SYT9: variants seen among roughly 807,000 people sequenced by gnomAD.
SYT9 encodes synaptotagmin-9.
A neutral mutation model predicts 48.4 loss-of-function variants in SYT9; 22 were observed. That is an observed-to-expected ratio of 0.45 (90% confidence interval 0.32 to 0.65). SYT9 has a LOEUF of 0.65. Among genes scored for constraint, SYT9 ranks in the 30% least tolerant of loss-of-function variants. The probability of loss-of-function intolerance (pLI) is 0.03; values close to 1 mark genes in which losing one functional copy is unlikely to be tolerated. For synonymous variants in SYT9, 265 were observed against 245.0 expected (o/e 1.08, Z -0.76); for missense variants, 577 against 622.0 (o/e 0.93, Z 0.77).
chr11:7,308,577 C>T (rs185735291), intron 2 of SYT9, among the ~76,000 whole-genome samples: 40 of 152,290 alleles, frequency 2.6e-4, no homozygotes, highest in South Asian at 2.5e-3. Context: ...TCCTTATTGA[C>T]GTCTACAGCA....
intron 6 of SYT9, among the ~76,000 whole-genome samples, chr11:7,455,696 C>T (rs1477871912): frequency 1.3e-5 from 2 of 152,080 alleles, no homozygotes; most frequent in Non-Finnish European, 2.9e-5. Flanking sequence ...CTGTAAATCA[C>T]CATTGGAGAA....
intron 3 of SYT9, among the ~76,000 whole-genome samples, chr11:7,373,883 A>G (rs1213781721): frequency 3.9e-5 from 6 of 152,032 alleles, no homozygotes; most frequent in South Asian, 4.2e-4. Flanking sequence ...AACATGTCCA[A>G]CATTCTTTTT....
intron 1 of SYT9, among the ~76,000 whole-genome samples, chr11:7,260,455 G>T (rs746176954): frequency 2.6e-5 from 4 of 152,194 alleles, no homozygotes; most frequent in Non-Finnish European, 4.4e-5. Context: ...AATGTTGAGA[G>T]ATGGATCTGC....
intron 3 of SYT9, among the ~76,000 whole-genome samples, chr11:7,328,065 A>G (rs1049543668): frequency 1.5e-4 from 2 of 13,094 alleles, no homozygotes; most frequent in Non-Finnish European, 7.4e-4. Context: ...TAAAACTTAA[A>G]GTATAATTAA....
intron 3 of SYT9, among the ~76,000 whole-genome samples, chr11:7,413,899 AT>A (rs1847189145): frequency 6.6e-6 from 1 of 151,978 alleles, no homozygotes; most frequent in Non-Finnish European, 1.5e-5. Flanking sequence ...CACCCAGCTA[AT>A]TTGCTATTTT....
At chr11:7,394,942 A>T (rs1295161687) in intron 3 of SYT9, among the ~76,000 whole-genome samples, 1 of 152,152 alleles carries the variant, frequency 6.6e-6, no homozygotes, top group African/African-American at 2.4e-5. Context: ...CCCAAAAGAC[A>T]TTCAGGAGCA....
At chr11:7,358,382 C>T (rs117366409) in intron 3 of SYT9, among the ~76,000 whole-genome samples, 6 of 152,242 alleles carry the variant, frequency 3.9e-5, no homozygotes, top group Admixed American at 1.3e-4. Flanking sequence ...TGCAGATTCT[C>T]ATAACGATTG....
upstream of SYT9, among the ~76,000 whole-genome samples, chr11:7,251,428 G>C (rs539348129): frequency 6.6e-6 from 1 of 152,214 alleles, no homozygotes; most frequent in Admixed American, 6.5e-5. Flanking sequence ...TGGTCGAAAA[G>C]GGCCTGTGCT....
chr11:7,412,960 C>G (rs377023237), intron 3 of SYT9, among the ~76,000 whole-genome samples: 2 of 152,198 alleles, frequency 1.3e-5, no homozygotes, highest in Non-Finnish European at 2.9e-5. Context: ...ATGGCATGCT[C>G]AAGTACTGAG....
chr11:7,257,602 G>A lies in SYT9; in HGVS notation c.145+5271G>A, dbSNP rs149680538. ...CCTTGATTCAAATTTTTCTAAGGTAGTCAAAAGAGAATCAGTCTTGAAACA... is the reference window on the plus strand; with the variant it reads ...CCTTGATTCAAATTTTTCTAAGGTAATCAAAAGAGAATCAGTCTTGAAACA... On this transcript the variant is annotated intron_variant, in intron 1 of 6. Transcript: ENST00000318881. 2.0e-4 allele frequency among the ~76,000 whole-genome samples: 30 copies of A among 152,182 alleles called. No individual in the cohort carries two copies. The East Asian group carries it at 5.0e-3, about 25-fold the overall frequency.
intron 6 of SYT9, among the ~76,000 whole-genome samples, chr11:7,459,615 A>C (rs75063618): frequency 0.033 from 5,068 of 152,312 alleles, 275 homozygotes; most frequent in African/African-American, 0.12. Context: ...GTGTCCTCCC[A>C]AAATTTACAT....
At chr11:7,420,409 A>C (rs980517880) in intron 5 of SYT9, 97 bp from the exon 6 acceptor site, 2 of 1,478,288 alleles carry the variant, frequency 1.4e-6, no homozygotes, top group African/African-American at 1.4e-5. Context: ...AACAAACAAA[A>C]AACCACATCC....
intron 3 of SYT9, among the ~76,000 whole-genome samples, chr11:7,346,270 T>C (rs1849798553): frequency 6.6e-6 from 1 of 152,060 alleles, no homozygotes; most frequent in African/African-American, 2.4e-5. Context: ...AGAAAACAGA[T>C]TATTTAAATA....
intron 3 of SYT9, among the ~76,000 whole-genome samples, chr11:7,401,648 A>T (rs374111514): frequency 6.6e-6 from 1 of 151,684 alleles, no homozygotes; most frequent in Non-Finnish European, 1.5e-5. Context: ...TTTATTTTAT[A>T]TAAGGTGTCA....
intron 3 of SYT9, among the ~76,000 whole-genome samples, chr11:7,387,505 G>A (rs190518989): frequency 1.0e-3 from 154 of 152,070 alleles, no homozygotes; most frequent in Middle Eastern, 3.4e-3. Flanking sequence ...ATATCATGTC[G>A]TCTAACGATA....
chr11:7,319,758 G>A (rs1485359237), intron 3 of SYT9, among the ~76,000 whole-genome samples: 2 of 152,102 alleles, frequency 1.3e-5, no homozygotes, highest in African/African-American at 2.4e-5. Flanking sequence ...ATCCTTTAAC[G>A]ATGTGACTCT....
chr11:7,439,078 C>T (rs1488102206), intron 6 of SYT9: 1 of 152,148 alleles, frequency 6.6e-6, no homozygotes, highest in East Asian at 1.9e-4. Flanking sequence ...TCAGACAAAC[C>T]CAAGACATTC....
intron 3 of SYT9, among the ~76,000 whole-genome samples, chr11:7,342,673 C>T (rs1849734564): frequency 6.6e-6 from 1 of 152,158 alleles, no homozygotes; most frequent in South Asian, 2.1e-4. Context: ...GGTGGATCTA[C>T]CATTCTGGGG....
chr11:7,377,245 A>G (rs573614433), intron 3 of SYT9, among the ~76,000 whole-genome samples: 1 of 151,940 alleles, frequency 6.6e-6, no homozygotes, highest in South Asian at 2.1e-4. Flanking sequence ...AGAATTAGTT[A>G]ACATATGTAT....
Sources: allele counts gnomAD v4.1 joint callset (sites outside exome capture counted in the v4.1 genomes callset), GRCh38; gene constraint gnomAD v4.1.1; transcripts MANE v1.5; gene names NCBI Gene and HGNC (gene_info 2026-07-23, HGNC 2026-07-21).